BCAS3: variants seen among roughly 807,000 people sequenced by gnomAD.
The protein encoded by BCAS3 is BCAS4/BCAS3 fusion.
In BCAS3, 53 loss-of-function variants were observed where a neutral mutation model predicts 116.1. The observed-to-expected ratio is 0.46, with a 90% CI of 0.37 to 0.57. The LOEUF is 0.57. BCAS3 is among the 20% of genes least tolerant of loss of function. The pLI is 0.00. For missense variants in BCAS3, 917 were observed against 1,165.4 expected (o/e 0.79, Z 3.10); for synonymous variants, 391 against 408.2 (o/e 0.96, Z 0.51).
rs753331696 is a variant in BCAS3, at chr17:61,008,868, T to C, written c.1487-6883T>C. ...TGGGACTGGGGCTGTTTCCGTAGAATTGTCTTCTGAGGAGTGCCAGAGAGT... is the reference window on the plus strand; with the variant it reads ...TGGGACTGGGGCTGTTTCCGTAGAACTGTCTTCTGAGGAGTGCCAGAGAGT... On this transcript the variant is annotated intron_variant, in intron 15 of 23. Transcript: ENST00000407086. The surrounding 1 kb of genome is among the most constrained non-coding windows in gnomAD (Gnocchi z 4.6). Among the ~76,000 whole-genome samples, 1 of 152,026 alleles carries C rather than the reference T, an allele frequency of 6.6e-6. No homozygotes were observed.
In BCAS3 at chr17:61,265,692, CT is replaced by C. The variant is rs1555800196; in HGVS notation, c.2426-102629del. On this transcript the variant is annotated intron_variant, in intron 22 of 23. Transcript: ENST00000407086. The surrounding 1 kb of genome is among the most constrained non-coding windows in gnomAD (Gnocchi z 4.3). ...GATTTAACTATGTAACACCATCATT[CT>C]TTTTTCCCCCCCATCAAGTAGTATA... 3.2e-4 allele frequency among the ~76,000 whole-genome samples: 26 copies of C among 80,648 alleles called. No homozygotes were observed. Among genetic ancestry groups the C allele is most frequent in the African/African-American group, 7.9e-4 (24 of 30,352 alleles). The allele number at this position is 80,648 out of a possible 152,430, so 52.9% of individuals were successfully genotyped here. A position where few individuals can be genotyped will look rare whatever the true frequency, so the allele number is the denominator to read the frequency against.
chr17:61,245,392 A>AT (rs2047863060), intron 22 of BCAS3: 1 of 151,826 alleles, frequency 6.6e-6, no homozygotes, highest in South Asian at 2.1e-4. Flanking sequence ...ATTTTTATTT[A>AT]TTTTTTAGAG....
intron 7 of BCAS3, among the ~76,000 whole-genome samples, chr17:60,864,053 C>T (rs1277718691): frequency 6.6e-6 from 1 of 152,154 alleles, no homozygotes; most frequent in Non-Finnish European, 1.5e-5. Context: ...AACTTCTCAG[C>T]TCCTGAGAAA....
chr17:61,231,811 G>A (rs1224812743), intron 22 of BCAS3, among the ~76,000 whole-genome samples: 2 of 141,924 alleles, frequency 1.4e-5, no homozygotes, highest in African/African-American at 2.6e-5. Flanking sequence ...CTGAGAGATC[G>A]AAGCTACAGT....
chr17:61,048,417 T>C (rs1434547071), intron 19 of BCAS3, among the ~76,000 whole-genome samples: 1 of 151,994 alleles, frequency 6.6e-6, no homozygotes, highest in Non-Finnish European at 1.5e-5. Context: ...TCTTTGGAGT[T>C]TCTAGGCTGT....
intron 19 of BCAS3, among the ~76,000 whole-genome samples, chr17:61,067,273 G>GTGTGTGTATATATATATATATATA (rs1251223420): frequency 6.8e-5 from 4 of 58,798 alleles, no homozygotes; most frequent in African/African-American, 3.5e-4. Flanking sequence ...GTGTGTATGT[G>GTGTGTGTATATATATATATATATA]TATATATATA....
chr17:61,005,957 T>C (rs899784745), intron 15 of BCAS3, among the ~76,000 whole-genome samples: 6 of 152,004 alleles, frequency 3.9e-5, no homozygotes, highest in African/African-American at 9.6e-5. Context: ...TTCCCCCCAC[T>C]CCACCACAGT....
At chr17:60,878,176 A>G (rs2055795608) in intron 9 of BCAS3, among the ~76,000 whole-genome samples, 2 of 151,850 alleles carry the variant, frequency 1.3e-5, no homozygotes, top group South Asian at 4.2e-4. Context: ...CGCCCGGCTA[A>G]TTTTTGTATT....
intron 7 of BCAS3, among the ~76,000 whole-genome samples, chr17:60,855,040 C>G (rs920403882): frequency 2.8e-5 from 4 of 144,576 alleles, no homozygotes; most frequent in African/African-American, 1.0e-4. Context: ...ACCTCTGCCT[C>G]CCAGGTTCAA....
At chr17:60,908,329 C>T (rs752293151) in intron 11 of BCAS3, among the ~76,000 whole-genome samples, 2 of 152,246 alleles carry the variant, frequency 1.3e-5, no homozygotes, top group Non-Finnish European at 2.9e-5. Context: ...TGCTCCAGTT[C>T]TTTTAGTTTT....
intron 22 of BCAS3, among the ~76,000 whole-genome samples, chr17:61,209,095 G>C (rs549311147): frequency 6.7e-6 from 1 of 149,484 alleles, no homozygotes; most frequent in South Asian, 2.1e-4. Context: ...GTGGAAGAGT[G>C]AATCTGAAAT....
rs1305974103 is a variant in BCAS3, at chr17:61,349,986, A to T, written c.2426-18341A>T. On this transcript the variant is annotated intron_variant, in intron 22 of 23. Coordinates refer to ENST00000407086, the MANE Select transcript of BCAS3 (RefSeq NM_017679.5). This position sits in a 1 kb window ranked among gnomAD's most constrained non-coding sequence, Gnocchi z 4.7. ...TCTCCTGAACAATTGGCTTTGGGAC[A>T]TTGTCTTTCTAGGAAAAATAGAAAC... 6.6e-6 allele frequency among the ~76,000 whole-genome samples: 1 copy of T among 152,212 alleles called. No homozygotes were observed. Among genetic ancestry groups the T allele is most frequent in the Non-Finnish European group, 1.5e-5 (1 of 68,032 alleles).
intron 14 of BCAS3, among the ~76,000 whole-genome samples, chr17:60,986,663 C>A (rs2063161109): frequency 6.6e-6 from 1 of 152,122 alleles, no homozygotes; most frequent in South Asian, 2.1e-4. Flanking sequence ...CTATTCATAT[C>A]TTTTGCCCAT....
In BCAS3 at chr17:61,109,387, C is replaced by T. The variant is rs139738884; in HGVS notation, c.2425+24823C>T. Reference sequence around the variant, plus strand: ...TGGTTTGGTTCCATGTTTTTGCAATCGCAAATTGTGGTGCTATAAACGTGT... The same window carrying T: ...TGGTTTGGTTCCATGTTTTTGCAATTGCAAATTGTGGTGCTATAAACGTGT... On this transcript the variant is annotated intron_variant, in intron 22 of 23. Coordinates refer to ENST00000407086, the MANE Select transcript of BCAS3 (RefSeq NM_017679.5). Among the ~76,000 whole-genome samples the T allele has an allele frequency of 9.2e-5, 14 of 151,950 alleles. No homozygotes were observed. The East Asian group carries it at 2.5e-3, about 27-fold the overall frequency.
intron 7 of BCAS3, among the ~76,000 whole-genome samples, chr17:60,826,138 G>C (rs1036885270): frequency 6.6e-6 from 1 of 151,834 alleles, no homozygotes; most frequent in East Asian, 1.9e-4. Flanking sequence ...GAGATTACAG[G>C]CATGAGCCAC....
chr17:61,184,522 T>G (rs1358646620), intron 22 of BCAS3, among the ~76,000 whole-genome samples: 1 of 152,148 alleles, frequency 6.6e-6, no homozygotes, highest in Admixed American at 6.5e-5. Context: ...TGCAAAATGG[T>G]ATGTCCACTT....
At chr17:60,933,144 G>T (rs2059746779) in intron 13 of BCAS3, among the ~76,000 whole-genome samples, 1 of 151,598 alleles carries the variant, frequency 6.6e-6, no homozygotes, top group Non-Finnish European at 1.5e-5. Context: ...TCCAGCTTGA[G>T]TGACAGAGTG....
intron 4 of BCAS3, chr17:60,696,731 C>T (rs918323825): frequency 1.3e-5 from 2 of 152,214 alleles, no homozygotes; most frequent in Non-Finnish European, 1.5e-5. Context: ...TTTCTTTTCC[C>T]ATCTAATTGT....
rs60854011 is a variant in BCAS3, at chr17:60,770,834, G to GTTTTTTTTT, written c.403+23578_403+23586dup. 1.7e-4 allele frequency among the ~76,000 whole-genome samples: 13 copies of GTTTTTTTTT among 76,786 alleles called. 1 individual carries two copies. The highest frequency in any genetic ancestry group is 3.6e-4 in the Non-Finnish European group (11 of 30,146). The allele number at this position is 76,786 out of a possible 152,430, so 50.4% of individuals were successfully genotyped here. ...GATCTTGAACCTAAAACTGAAATTTGTTTTTTTTTTTTTTTTTTTTTTTTT... is the reference window on the plus strand; with the variant it reads ...GATCTTGAACCTAAAACTGAAATTTGTTTTTTTTTTTTTTTTTTTTTTTTTTTTTTTTTT... On this transcript the variant is annotated intron_variant, in intron 6 of 23. Coordinates refer to ENST00000407086, the MANE Select transcript of BCAS3 (RefSeq NM_017679.5).
Sources: allele counts gnomAD v4.1 joint callset (sites outside exome capture counted in the v4.1 genomes callset), GRCh38; gene constraint gnomAD v4.1.1; non-coding constraint Gnocchi (gnomAD v3.1); transcripts MANE v1.5; gene names NCBI Gene and HGNC (gene_info 2026-07-23, HGNC 2026-07-21).